The following CTNND2 variants were observed in gnomAD, a reference collection of about 807,000 sequenced individuals.
CTNND2 encodes the protein catenin delta 2.
CTNND2 carries 22 observed loss-of-function variants against 144.4 expected under a neutral mutation model. That is an observed-to-expected ratio of 0.15 (90% CI 0.11 to 0.22). The LOEUF (loss-of-function observed/expected upper bound fraction) is 0.22. Among genes scored for constraint, CTNND2 ranks in the 10% least tolerant of loss-of-function variants. The probability of loss-of-function intolerance (pLI) is 1.00; values close to 1 mark genes in which losing one functional copy is unlikely to be tolerated. For missense variants in CTNND2, 1,353 were observed against 1,618.8 expected (o/e 0.84, Z 2.82); for synonymous variants, 751 against 695.6 (o/e 1.08, Z -1.25).
At chr5:11,590,085 C>T (rs1779133016) in intron 2 of CTNND2, among the ~76,000 whole-genome samples, 1 of 140,976 alleles carries the variant, frequency 7.1e-6, no homozygotes, top group South Asian at 2.3e-4. Context: ...TTGCTCTGTT[C>T]CCCAGGCTGG....
At chr5:11,119,554 G>T (rs1437566718) in intron 12 of CTNND2, among the ~76,000 whole-genome samples, 1 of 152,186 alleles carries the variant, frequency 6.6e-6, no homozygotes, top group African/African-American at 2.4e-5. Flanking sequence ...GTGGTGACAG[G>T]CATTTGGATA....
intron 12 of CTNND2, among the ~76,000 whole-genome samples, chr5:11,144,597 T>C (rs1757066803): frequency 1.3e-5 from 2 of 152,160 alleles, no homozygotes; most frequent in Admixed American, 1.3e-4. Context: ...CTTGGGGGTC[T>C]ACCTTTTGGT....
At chr5:11,266,643 T>C (rs1021772289) in intron 9 of CTNND2, among the ~76,000 whole-genome samples, 4 of 152,340 alleles carry the variant, frequency 2.6e-5, no homozygotes, top group African/African-American at 7.2e-5. Context: ...TTACCTTTCA[T>C]AATTAGCTGT....
chr5:11,545,137 GAAA>G (rs1282540729), intron 3 of CTNND2, among the ~76,000 whole-genome samples: 1 of 108,490 alleles, frequency 9.2e-6, no homozygotes. Context: ...AAAAAAAAAG[GAAA>G]AAAAAAAAAA....
intron 11 of CTNND2, among the ~76,000 whole-genome samples, chr5:11,189,195 C>T (rs1299418889): frequency 6.6e-6 from 1 of 152,136 alleles, no homozygotes; most frequent in Admixed American, 6.5e-5. Flanking sequence ...TTCTCCCTTC[C>T]TCCATGTGGC....
chr5:11,020,666 G>A (rs1742145729), intron 17 of CTNND2, among the ~76,000 whole-genome samples: 1 of 152,160 alleles, frequency 6.6e-6, no homozygotes, highest in Non-Finnish European at 1.5e-5. Flanking sequence ...TAAAACTGAA[G>A]TGTAGGTAGG....
At chr5:11,115,527 C>T (rs537997400) in intron 13 of CTNND2, among the ~76,000 whole-genome samples, 64 of 152,296 alleles carry the variant, frequency 4.2e-4, no homozygotes, top group Middle Eastern at 3.4e-3. Context: ...GTGTCTATTA[C>T]GCTAACAAGC....
chr5:11,130,650 T>C (rs1427128045), intron 12 of CTNND2, among the ~76,000 whole-genome samples: 1 of 152,202 alleles, frequency 6.6e-6, no homozygotes, highest in South Asian at 2.1e-4. Flanking sequence ...GGTGGCCCTT[T>C]GTGCTCCACA....
At chr5:11,383,155 G>A (rs960122475) in intron 7 of CTNND2, among the ~76,000 whole-genome samples, 5 of 152,072 alleles carry the variant, frequency 3.3e-5, no homozygotes, top group Admixed American at 1.3e-4. Context: ...TGGAAGCTAA[G>A]ACTCCTGATT....
intron 1 of CTNND2, among the ~76,000 whole-genome samples, chr5:11,777,380 T>C (rs142121404): frequency 4.7e-4 from 71 of 152,384 alleles, no homozygotes; most frequent in Admixed American, 1.6e-3. Flanking sequence ...CAGTCATATC[T>C]ACCTTAGTAT....
chr5:11,376,181 T>C (rs571836253), intron 7 of CTNND2, among the ~76,000 whole-genome samples: 85 of 152,304 alleles, frequency 5.6e-4, no homozygotes, highest in Non-Finnish European at 1.1e-3. Context: ...CTCTGTTGTT[T>C]GTAAGTTACA....
chr5:11,266,720 A>C (rs1745473191), intron 9 of CTNND2, among the ~76,000 whole-genome samples: 1 of 152,232 alleles, frequency 6.6e-6, no homozygotes, highest in South Asian at 2.1e-4. Context: ...GAATCTTTCT[A>C]GTCTATAATT....
chr5:11,903,674 C>T lies in CTNND2; in HGVS notation c.37+143G>A. 2.2e-6 allele frequency: 2 copies of T among 900,020 alleles called. No individual in the cohort carries two copies. Among genetic ancestry groups the T allele is most frequent in the Non-Finnish European group, 3.1e-6 (2 of 650,070 alleles). 55.8% of individuals were successfully genotyped at this position (900,020 alleles called of 1,614,324 possible). ...GACCTGGCGCGATCGCGGTCCTCCCCGAGGCAGGCAGAAACCCCGCAGCAG... is the reference window on the plus strand; with the variant it reads ...GACCTGGCGCGATCGCGGTCCTCCCTGAGGCAGGCAGAAACCCCGCAGCAG... On this transcript the variant is annotated intron_variant, in intron 1 of 21. Coordinates refer to ENST00000304623, the MANE Select transcript of CTNND2 (RefSeq NM_001332.4). This position sits in a 1 kb window ranked among gnomAD's most constrained non-coding sequence, Gnocchi z 5.4.
chr5:11,745,416 C>T (rs189831465), intron 1 of CTNND2, among the ~76,000 whole-genome samples: 6 of 152,166 alleles, frequency 3.9e-5, no homozygotes, highest in Non-Finnish European at 8.8e-5. Context: ...CACTGGCATA[C>T]GTATATGAGT....
chr5:11,481,432 C>A (rs187417987), intron 3 of CTNND2, among the ~76,000 whole-genome samples: 21 of 152,094 alleles, frequency 1.4e-4, no homozygotes, highest in Admixed American at 4.6e-4. Context: ...GGCAACATGG[C>A]GAAATCTGTC....
chr5:11,589,316 A>AC (rs1215796926), intron 2 of CTNND2, among the ~76,000 whole-genome samples: 2,702 of 108,750 alleles, frequency 0.025, 78 homozygotes, highest in African/African-American at 0.076. Context: ...CACACACGAC[A>AC]ACAACAACAA....
intron 5 of CTNND2, among the ~76,000 whole-genome samples, chr5:11,402,726 G>A (rs1358945708): frequency 6.6e-6 from 1 of 152,192 alleles, no homozygotes; most frequent in African/African-American, 2.4e-5. Flanking sequence ...AGCCCAAGGG[G>A]CTTGTTATGC....
intron 5 of CTNND2, among the ~76,000 whole-genome samples, chr5:11,403,206 C>T (rs1310798908): frequency 6.6e-6 from 1 of 152,174 alleles, no homozygotes; most frequent in Non-Finnish European, 1.5e-5. Context: ...CTCCCCTTCC[C>T]TCTCATCCTC....
chr5:11,881,709 A>G (rs531211273), intron 1 of CTNND2, among the ~76,000 whole-genome samples: 8 of 152,234 alleles, frequency 5.3e-5, no homozygotes, highest in African/African-American at 1.9e-4. Context: ...ACATGAGAAC[A>G]TAGATACCTC....
Sources: allele counts gnomAD v4.1 joint callset (sites outside exome capture counted in the v4.1 genomes callset), GRCh38; gene constraint gnomAD v4.1.1; non-coding constraint Gnocchi (gnomAD v3.1); transcripts MANE v1.5; gene names NCBI Gene and HGNC (gene_info 2026-07-23, HGNC 2026-07-21).